The following SFI1 variants were observed in gnomAD, a reference collection of about 807,000 sequenced individuals.
The protein encoded by SFI1 is SFI1 centrin binding protein.
In SFI1, 195 loss-of-function variants were observed where a neutral mutation model predicts 207.5. The observed-to-expected ratio is 0.94, with a 90% CI of 0.84 to 1.06. The LOEUF is 1.06. Ranked by LOEUF, SFI1 falls within the 50% of genes least tolerant of loss-of-function variation. SFI1 has a pLI of 0.00. For missense variants in SFI1, 1,634 were observed against 1,588.0 expected, an observed-to-expected ratio of 1.03 and a Z score of -0.49; for synonymous variants, 630 against 598.9, an observed-to-expected ratio of 1.05 and a Z score of -0.76.
chr22:31,567,561 T>C (rs1429730770), intron 8 of SFI1, among the ~76,000 whole-genome samples: 1 of 150,306 alleles, frequency 6.7e-6, no homozygotes, highest in Non-Finnish European at 1.5e-5. Context: ...TGTCTGTGTG[T>C]TTGTGGAGGG....
chr22:31,540,510 G>C (rs1289458281), intron 4 of SFI1, among the ~76,000 whole-genome samples: 1 of 151,258 alleles, frequency 6.6e-6, no homozygotes, highest in Non-Finnish European at 1.5e-5. Flanking sequence ...TTGAACTCCT[G>C]ACCTTGTGAT....
intron 8 of SFI1, among the ~76,000 whole-genome samples, chr22:31,565,533 C>CAAAA (rs532600236): frequency 3.4e-5 from 4 of 116,308 alleles, no homozygotes; most frequent in African/African-American, 9.3e-5. Context: ...CCCATCTCTA[C>CAAAA]AAAAAAAAAA....
At chr22:31,597,549 G>A (rs1168457284) in intron 15 of SFI1, among the ~76,000 whole-genome samples, 1 of 152,160 alleles carries the variant, frequency 6.6e-6, no homozygotes, top group Non-Finnish European at 1.5e-5. Flanking sequence ...CTCCTCGAAT[G>A]TAAAATTGAG....
At chr22:31,611,328 C>A in intron 23 of SFI1, 25 bp downstream of exon 23, 1 of 1,565,580 alleles carries the variant, frequency 6.4e-7, no homozygotes, top group Non-Finnish European at 8.7e-7. Context: ...GGCAACTCTC[C>A]AAGTTCTGCC....
At chr22:31,499,629 GT>G (rs1277085594) in intron 1 of SFI1, among the ~76,000 whole-genome samples, 8 of 152,140 alleles carry the variant, frequency 5.3e-5, no homozygotes, top group Non-Finnish European at 1.5e-5. Context: ...TCTACTGTGG[GT>G]AAAATGCTAT....
chr22:31,583,656 C>T (rs927713093), intron 12 of SFI1, among the ~76,000 whole-genome samples: 1 of 152,182 alleles, frequency 6.6e-6, no homozygotes, highest in Non-Finnish European at 1.5e-5. Flanking sequence ...GCTTCTTCAT[C>T]TAATTTCCAT....
intron 9 of SFI1, among the ~76,000 whole-genome samples, chr22:31,574,651 T>C (rs2063288065): frequency 6.6e-6 from 1 of 152,230 alleles, no homozygotes; most frequent in South Asian, 2.1e-4. Flanking sequence ...CTCAGCCCTT[T>C]GATGTAACTG....
chr22:31,599,668 G>T (rs1393692367), intron 15 of SFI1, among the ~76,000 whole-genome samples: 1 of 150,596 alleles, frequency 6.6e-6, no homozygotes, highest in Non-Finnish European at 1.5e-5. Flanking sequence ...TAGAAAAAGG[G>T]TCTCACTATG....
chr22:31,541,929 C>T (rs1459114848), intron 4 of SFI1, among the ~76,000 whole-genome samples: 7 of 151,156 alleles, frequency 4.6e-5, no homozygotes, highest in African/African-American at 7.3e-5. Flanking sequence ...GGTGAAACCC[C>T]GTCTCTACTA....
At chr22:31,579,257 C>G (rs1391373100) in intron 11 of SFI1, among the ~76,000 whole-genome samples, 2 of 152,150 alleles carry the variant, frequency 1.3e-5, no homozygotes, top group South Asian at 2.1e-4. Flanking sequence ...GATCCTTCCA[C>G]TTCAGCCTCC....
chr22:31,580,168 C>G (rs1452465292), intron 11 of SFI1, 104 bp from the exon 12 acceptor site: 1 of 782,356 alleles, frequency 1.3e-6, no homozygotes, highest in African/African-American at 1.8e-5. Flanking sequence ...TGTGACCAAG[C>G]TTCTCCCCGC....
At chr22:31,583,276 G>T (rs1194742176) in intron 12 of SFI1, among the ~76,000 whole-genome samples, 1 of 152,110 alleles carries the variant, frequency 6.6e-6, no homozygotes, top group Non-Finnish European at 1.5e-5. Context: ...ATCACGCCCG[G>T]CTAATTTTGT....
intron 2 of SFI1, among the ~76,000 whole-genome samples, chr22:31,527,917 C>A (rs978167417): frequency 6.6e-6 from 1 of 152,124 alleles, no homozygotes; most frequent in Non-Finnish European, 1.5e-5. Context: ...AGTTCAAGAC[C>A]AGCCTGGCCA....
intron 2 of SFI1, among the ~76,000 whole-genome samples, chr22:31,521,953 C>G (rs770664653): frequency 6.6e-6 from 1 of 150,630 alleles, no homozygotes; most frequent in African/African-American, 2.4e-5. Flanking sequence ...TTAGTAGAGA[C>G]GGGGTTTCAT....
rs1288411432 is a variant in SFI1 at position 31,575,409 on chromosome 22, T to A, written c.1084+17T>A. The A allele has an allele frequency of 6.4e-7, 1 of 1,574,658 alleles. No homozygotes were observed. Among genetic ancestry groups the A allele is most frequent in the African/African-American group, 1.4e-5 (1 of 74,036 alleles). On this transcript the variant is annotated intron_variant, in intron 10 of 32. Transcript: ENST00000400288. ...GGAAACACTGTATCCTTTCAGATAC[T>A]CAGGCTGTCCATTGCCTCAGCCAGG...
Position 31,606,367 on chromosome 22 carries a change from A to G in SFI1, c.2094A>G (p.Arg698=). Residue 698 remains arginine, a synonymous_variant, in exon 21 of 33, where the codon CGA becomes CGG. Transcript: ENST00000400288. ...LRRWKENTMA[R]VDEAKKTFQA... is the part of the protein sequence containing the mutation. ...GCTGGAAAGAGAACACCATGGCCCG[A>G]GTGGATGAAGCCAAAAAAACCTTTC... 6.2e-7 allele frequency: 1 copy of G among 1,613,906 alleles called. No homozygotes were observed. Among genetic ancestry groups the G allele is most frequent in the Non-Finnish European group, 8.5e-7 (1 of 1,180,032 alleles).
intron 12 of SFI1, among the ~76,000 whole-genome samples, chr22:31,582,920 A>C (rs894887352): frequency 1.6e-4 from 25 of 152,000 alleles, no homozygotes; most frequent in African/African-American, 6.0e-4. Flanking sequence ...CAATTTATTT[A>C]TTATTATAAT....
intron 4 of SFI1, among the ~76,000 whole-genome samples, chr22:31,544,955 A>G (rs1017065734): frequency 1.3e-5 from 2 of 152,216 alleles, no homozygotes; most frequent in Non-Finnish European, 2.9e-5. Context: ...ACCAGAGTGC[A>G]GTGACACATT....
rs2070788153 is a variant in SFI1, at chr22:31,613,604, G to A, written c.2745G>A (p.Ala915=). 9 of 1,580,430 alleles carry A rather than the reference G, an allele frequency of 5.7e-6. No homozygotes were observed. The highest frequency in any genetic ancestry group is 4.6e-5 in the South Asian group (4 of 87,628). ...QQLQAQQQVQ[A]AHSLHRAVRR... ...GCTGACCAGAGGCTGTGTTGTAGGC[G>A]GCTCACAGTCTCCATCGTGCCGTCC... is the stretch of plus-strand genomic sequence containing the variant. The change falls in exon 27 of 33, where the codon GCG becomes GCA. Residue 915 remains alanine, a splice_region_variant and synonymous_variant. Coordinates refer to ENST00000400288, the MANE Select transcript of SFI1 (RefSeq NM_001007467.3).
Sources: gnomAD v4.1 joint callset for allele counts (sites outside exome capture counted in the v4.1 genomes callset) on GRCh38, gnomAD v4.1.1 for gene constraint, MANE v1.5 for transcripts, NCBI Gene and HGNC (gene_info 2026-07-23, HGNC 2026-07-21) for gene names.